INIP: variants seen among roughly 807,000 people sequenced by gnomAD.
The protein encoded by INIP is SOSS complex subunit C.
INIP carries 9 observed loss-of-function variants against 14.0 expected under a neutral mutation model. The ratio of observed to expected loss-of-function variants is 0.64; its 90% CI spans 0.39 to 1.12. The LOEUF is 1.12. INIP is among the 50% of genes most tolerant of loss of function. The pLI, the probability that INIP is intolerant of heterozygous loss-of-function variation, is 0.01. For missense variants in INIP, 78 were observed against 122.7 expected, an observed-to-expected ratio of 0.64 and a Z score of 1.72; for synonymous variants, 37 against 41.5, an observed-to-expected ratio of 0.89 and a Z score of 0.41.
Position 112,703,558 on chromosome 9 carries a change from A to C in INIP, c.26-9325T>G, listed in dbSNP as rs572954320. Among the ~76,000 whole-genome samples, 4 of 152,286 alleles carry C rather than the reference A, an allele frequency of 2.6e-5. No individual in the cohort carries two copies. The South Asian group carries it at 8.3e-4, about 32-fold the overall frequency. On this transcript the variant is annotated intron_variant, in intron 2 of 4. Coordinates refer to ENST00000374242, the MANE Select transcript of INIP (RefSeq NM_021218.3). ...ACACAGTGAGACCCTGTCTCTTTAA[A>C]AACAAAACAAAACAACAACAACAAG...
At position 112,703,589 on chromosome 9, in the gene INIP, G is replaced by C. The variant is rs111924303; in HGVS notation, c.26-9356C>G. 4.4e-3 allele frequency among the ~76,000 whole-genome samples: 664 copies of C among 152,218 alleles called. 9 individuals carry two copies. The highest frequency in any genetic ancestry group is 0.016 in the African/African-American group (650 of 41,550). On this transcript the variant is annotated intron_variant, in intron 2 of 4. Transcript: ENST00000374242. Reference sequence around the variant, plus strand: ...AACAAAACAACAACAACAAGGGAGAGTACTAGTTCCATGTCTTAGGGCAGG... The same window carrying C: ...AACAAAACAACAACAACAAGGGAGACTACTAGTTCCATGTCTTAGGGCAGG...
chr9:112,701,756 C>CTA (rs1838306958), intron 2 of INIP: 1 of 151,894 alleles, frequency 6.6e-6, no homozygotes, highest in African/African-American at 2.4e-5. Context: ...TTAAGAGATA[C>CTA]TATAAATATA....
chr9:112,698,368 G>A (rs2131295490), intron 2 of INIP, among the ~76,000 whole-genome samples: 1 of 147,196 alleles, frequency 6.8e-6, no homozygotes, highest in Admixed American at 6.8e-5. Context: ...GCTCTTTCCA[G>A]CTCCAACACA....
chr9:112,705,975 C>T (rs1258315701), intron 2 of INIP, among the ~76,000 whole-genome samples: 3 of 152,100 alleles, frequency 2.0e-5, no homozygotes, highest in Non-Finnish European at 4.4e-5. Context: ...TTACGAACAC[C>T]CTCTGGTGGT....
chr9:112,716,650 AG>A (rs1175909252), intron 1 of INIP, 109 bp from the exon 2 acceptor site: 1 of 569,660 alleles, frequency 1.8e-6, no homozygotes, highest in Non-Finnish European at 3.1e-6. Flanking sequence ...TAATCTCTTC[AG>A]AAAGATACAT....
At chr9:112,701,083 TG>T (rs1314524842) in intron 2 of INIP, among the ~76,000 whole-genome samples, 3 of 152,246 alleles carry the variant, frequency 2.0e-5, no homozygotes, top group African/African-American at 7.2e-5. Flanking sequence ...CCTAGCACTT[TG>T]GGAGGCTGAG....
chr9:112,684,661 A>AT lies in INIP; in HGVS notation c.*2876dup, dbSNP rs1837593435. The AT allele has an allele frequency of 6.6e-6, 1 of 152,132 alleles. No homozygotes were observed. Among genetic ancestry groups the AT allele is most frequent in the Non-Finnish European group, 1.5e-5 (1 of 68,004 alleles). The allele number at this position is 152,132 out of a possible 1,614,324, so 9.4% of individuals were successfully genotyped here. A position where few individuals can be genotyped will look rare whatever the true frequency, so the allele number is the denominator to read the frequency against. Reference sequence around the variant, plus strand: ...TATGCAGTACACTCAGATGTTTTTGATTTTTTCGGAAAAAATGCTGGTCAA... The same window carrying AT: ...TATGCAGTACACTCAGATGTTTTTGATTTTTTTCGGAAAAAATGCTGGTCAA... On this transcript the variant is annotated 3_prime_UTR_variant, in exon 5 of 5. Coordinates refer to ENST00000374242, the MANE Select transcript of INIP (RefSeq NM_021218.3).
intron 2 of INIP, among the ~76,000 whole-genome samples, chr9:112,715,829 T>A (rs1469051986): frequency 1.3e-5 from 2 of 152,056 alleles, no homozygotes; most frequent in East Asian, 1.9e-4. Flanking sequence ...TTTCTATTTT[T>A]AAAATTTTTA....
At chr9:112,692,929 T>C (rs1287569313) in intron 3 of INIP, among the ~76,000 whole-genome samples, 1 of 149,230 alleles carries the variant, frequency 6.7e-6, no homozygotes, top group African/African-American at 2.5e-5. Context: ...TAGTGTGAGA[T>C]ACTCAGGGGC....
rs547112060 is a variant in INIP at position 112,695,129 on chromosome 9, C to T, written c.26-896G>A. Among the ~76,000 whole-genome samples the T allele has an allele frequency of 1.7e-4, 26 of 152,144 alleles. 1 individual carries two copies. In the South Asian group the frequency reaches 5.4e-3, roughly 32 times the overall value. ...ACTAAGAAATAGTTGTCCCCTTTAGCTGGGCACTCTCCAGCTCATTACAAT... is the reference window on the plus strand; with the variant it reads ...ACTAAGAAATAGTTGTCCCCTTTAGTTGGGCACTCTCCAGCTCATTACAAT... On this transcript the variant is annotated intron_variant, in intron 2 of 4. Transcript: ENST00000374242.
At chr9:112,703,515 T>C (rs1222277955) in intron 2 of INIP, among the ~76,000 whole-genome samples, 1 of 152,150 alleles carries the variant, frequency 6.6e-6, no homozygotes, top group East Asian at 1.9e-4. Flanking sequence ...GGCCAGGAAT[T>C]TGAGACCAGC....
chr9:112,707,294 A>C (rs1331666517), intron 2 of INIP, among the ~76,000 whole-genome samples: 11 of 146,592 alleles, frequency 7.5e-5, no homozygotes, highest in Non-Finnish European at 1.5e-5. Context: ...TTTATAACTA[A>C]CCTTTTTAAA....
chr9:112,693,722 T>C (rs1333103187), intron 3 of INIP, among the ~76,000 whole-genome samples: 1 of 152,108 alleles, frequency 6.6e-6, no homozygotes, highest in Non-Finnish European at 1.5e-5. Context: ...AAGAAAAAAA[T>C]CATTGCCAGC....
intron 2 of INIP, among the ~76,000 whole-genome samples, chr9:112,694,844 C>A (rs1838019189): frequency 6.6e-6 from 1 of 152,146 alleles, no homozygotes; most frequent in South Asian, 2.1e-4. Context: ...TGACAGGATA[C>A]AAAGAGATAT....
rs147002098 is a variant in INIP, at chr9:112,694,167, A to G, written c.92T>C (p.Met31Thr). ...ATGATTTGTTGAAGACTGGTTCTGC[A>G]TAAGTAGTTTTCTTTTCTCTTTGTC... ...ELDKEKRKLL[M>T]QNQSSTNHPG... The change falls in exon 3 of 5, where the codon ATG (methionine) becomes ACG (threonine). Residue 31 changes from methionine (M) to threonine (T), a missense_variant. Met to Thr is a moderately conservative substitution (Grantham distance 81). Coordinates refer to ENST00000374242, the MANE Select transcript of INIP (RefSeq NM_021218.3). 18 of 1,611,342 alleles carry G rather than the reference A, an allele frequency of 1.1e-5. No homozygotes were observed. Among genetic ancestry groups the G allele is most frequent in the Non-Finnish European group, 1.4e-5 (17 of 1,178,802 alleles).
chr9:112,713,329 A>G (rs754406446), intron 2 of INIP, among the ~76,000 whole-genome samples: 5 of 152,236 alleles, frequency 3.3e-5, no homozygotes, highest in Non-Finnish European at 5.9e-5. Context: ...GAATATTCAC[A>G]TATTGCTGGA....
chr9:112,696,433 A>C (rs2131292356), intron 2 of INIP, among the ~76,000 whole-genome samples: 1 of 152,334 alleles, frequency 6.6e-6, no homozygotes, highest in East Asian at 1.9e-4. Context: ...TGAGAGACAG[A>C]GGAAAAACCA....
intron 1 of INIP, among the ~76,000 whole-genome samples, chr9:112,716,828 G>A (rs771389306): frequency 6.6e-6 from 1 of 151,678 alleles, no homozygotes; most frequent in African/African-American, 2.4e-5. Flanking sequence ...GGTGGCAAGC[G>A]CCTGCAGTCC....
intron 2 of INIP, among the ~76,000 whole-genome samples, chr9:112,707,083 G>C (rs1049629366): frequency 6.6e-6 from 1 of 151,512 alleles, no homozygotes; most frequent in African/African-American, 2.4e-5. Flanking sequence ...GCATAATTAC[G>C]CATTAGCCAC....
Sources: gnomAD v4.1 joint callset for allele counts (sites outside exome capture counted in the v4.1 genomes callset) on GRCh38, gnomAD v4.1.1 for gene constraint, MANE v1.5 for transcripts, NCBI Gene and HGNC (gene_info 2026-07-23, HGNC 2026-07-21) for gene names.